RACGAP1: variants seen among roughly 807,000 people sequenced by gnomAD.
The protein encoded by RACGAP1 is rac GTPase-activating protein 1.
In RACGAP1, 30 loss-of-function variants were observed where a neutral mutation model predicts 78.1. That is an observed-to-expected ratio of 0.38 (90% CI 0.29 to 0.52). RACGAP1 has a LOEUF of 0.52. RACGAP1 is among the 20% of genes least tolerant of loss of function. RACGAP1 has a pLI of 0.82. For missense variants in RACGAP1, 587 were observed against 777.1 expected (o/e 0.76, Z 2.91); for synonymous variants, 231 against 264.8 (o/e 0.87, Z 1.24).
At chr12:50,022,552 A>G (rs1950065483) in intron 1 of RACGAP1, among the ~76,000 whole-genome samples, 1 of 152,182 alleles carries the variant, frequency 6.6e-6, no homozygotes, top group Non-Finnish European at 1.5e-5. Context: ...ATTGCACTCC[A>G]GCCCGGGCAA....
At chr12:50,015,842 T>A (rs1949642099) in intron 2 of RACGAP1, among the ~76,000 whole-genome samples, 1 of 151,600 alleles carries the variant, frequency 6.6e-6, no homozygotes, top group East Asian at 1.9e-4. Flanking sequence ...AAAAAAATTT[T>A]TTTTAAAGTA....
intron 2 of RACGAP1, among the ~76,000 whole-genome samples, chr12:50,009,096 G>C (rs1949149594): frequency 6.6e-6 from 1 of 152,012 alleles, no homozygotes; most frequent in East Asian, 2.0e-4. Context: ...GGCCAACATG[G>C]TGAAACCCTG....
At chr12:50,010,662 G>A (rs555081351) in intron 2 of RACGAP1, among the ~76,000 whole-genome samples, 41 of 151,716 alleles carry the variant, frequency 2.7e-4, no homozygotes, top group Non-Finnish European at 4.6e-4. Context: ...GCCAGACACC[G>A]TGGCTCACGC....
At chr12:50,002,361 C>A in intron 5 of RACGAP1, 61 bp from the exon 6 acceptor site, 1 of 1,428,900 alleles carries the variant, frequency 7.0e-7, no homozygotes, top group Non-Finnish European at 9.7e-7. Flanking sequence ...AAACCCTGTG[C>A]AAATAAATTT....
intron 1 of RACGAP1, chr12:50,019,863 T>C (rs1949908124): frequency 6.6e-6 from 1 of 152,114 alleles, no homozygotes; most frequent in African/African-American, 2.4e-5. Context: ...ATTACAAAAA[T>C]TTTAAAATGT....
At chr12:49,992,418 T>C (rs763074838) in intron 13 of RACGAP1, 41 bp from the exon 14 acceptor site, 1 of 1,602,140 alleles carries the variant, frequency 6.2e-7, no homozygotes, top group South Asian at 1.1e-5. Context: ...TGCTCCTTGC[T>C]TAAATGCAGA....
chr12:49,997,015 C>G, intron 10 of RACGAP1, 25 bp downstream of exon 10: 1 of 1,441,910 alleles, frequency 6.9e-7, no homozygotes, highest in East Asian at 2.5e-5. Flanking sequence ...GGCCATAAAA[C>G]AATGACGGCT....
upstream of RACGAP1, among the ~76,000 whole-genome samples, chr12:50,029,000 G>A (rs916378669): frequency 2.0e-5 from 3 of 151,990 alleles, no homozygotes; most frequent in Admixed American, 6.6e-5. Context: ...GGCAGATCAC[G>A]AGGTCAAGAG....
At chr12:50,010,388 A>T (rs1949245524) in intron 2 of RACGAP1, among the ~76,000 whole-genome samples, 1 of 149,862 alleles carries the variant, frequency 6.7e-6, no homozygotes, top group Non-Finnish European at 1.5e-5. Context: ...CAATGACATG[A>T]TCTTGGCTGA....
chr12:50,017,057 T>C, intron 1 of RACGAP1: 1 of 1,041,620 alleles, frequency 9.6e-7, no homozygotes, highest in Non-Finnish European at 1.2e-6. Flanking sequence ...GTCAAGCCTA[T>C]TGATTAATAT....
intron 4 of RACGAP1, among the ~76,000 whole-genome samples, chr12:50,004,537 C>G (rs1306874574): frequency 6.6e-6 from 1 of 152,148 alleles, no homozygotes; most frequent in Non-Finnish European, 1.5e-5. Flanking sequence ...TCAGCAAAGA[C>G]CTTATAAGGG....
chr12:50,021,412 C>T (rs940638204), intron 1 of RACGAP1, among the ~76,000 whole-genome samples: 2 of 152,162 alleles, frequency 1.3e-5, no homozygotes, highest in African/African-American at 4.8e-5. Context: ...GTTACAGATT[C>T]CCAATCTGTG....
At position 50,011,722 on chromosome 12, in the gene RACGAP1, G is replaced by A. The variant is rs369399361; in HGVS notation, c.85+4909C>T. On this transcript the variant is annotated intron_variant, in intron 2 of 16. Transcript: ENST00000312377. Reference sequence around the variant, plus strand: ...TATAAATCCAGCACTTTGGGAGGACGAGGCAGGAGGATCATGAGGTCAGGA... The same window carrying A: ...TATAAATCCAGCACTTTGGGAGGACAAGGCAGGAGGATCATGAGGTCAGGA... 1.6e-3 allele frequency among the ~76,000 whole-genome samples: 241 copies of A among 152,088 alleles called. 1 individual carries two copies. The highest frequency in any genetic ancestry group is 5.7e-3 in the African/African-American group (235 of 41,500).
chr12:50,004,088 A>C, intron 5 of RACGAP1, 147 bp downstream of exon 5: 1 of 1,287,522 alleles, frequency 7.8e-7, no homozygotes, highest in Non-Finnish European at 1.0e-6. Context: ...ATGTGGATTT[A>C]TATTTTAAAT....
In RACGAP1 at chr12:49,992,603, T is replaced by A. The variant is rs1947971028; in HGVS notation, c.1392A>T (p.Glu464Asp). The A allele has an allele frequency of 1.2e-6, 2 of 1,614,160 alleles. No homozygotes were observed. Among genetic ancestry groups the A allele is most frequent in the African/African-American group, 2.7e-5 (2 of 75,048 alleles). ...SIAAMYQAVGELPQANRDTLA... is the reference protein window; with the variant it reads ...SIAAMYQAVGDLPQANRDTLA... ...ATGTGTCCCTGTTGGCCTGGGGCAGTTCACCAACAGCTTGGTACATGGCAG... is the reference window on the plus strand; with the variant it reads ...ATGTGTCCCTGTTGGCCTGGGGCAGATCACCAACAGCTTGGTACATGGCAG... Residue 464 changes from glutamate to aspartate, a missense_variant, in exon 13 of 17, where the codon GAA (glutamate) becomes GAT (aspartate). Glu to Asp is a conservative substitution (Grantham distance 45). Transcript: ENST00000312377.
intron 2 of RACGAP1, among the ~76,000 whole-genome samples, chr12:50,015,380 A>C (rs1017195343): frequency 6.6e-6 from 1 of 152,148 alleles, no homozygotes; most frequent in African/African-American, 2.4e-5. Context: ...CTTCAAAAAG[A>C]AATTATGGAC....
intron 5 of RACGAP1, among the ~76,000 whole-genome samples, chr12:50,003,023 C>CAA (rs11326258): frequency 2.7e-4 from 17 of 64,012 alleles, no homozygotes; most frequent in Middle Eastern, 9.3e-3. Context: ...GACTCTGTCT[C>CAA]AAAAAAAAAA....
chr12:50,026,017 G>A (rs1372007971), upstream of RACGAP1, among the ~76,000 whole-genome samples: 2 of 152,178 alleles, frequency 1.3e-5, no homozygotes, highest in Non-Finnish European at 2.9e-5. Context: ...CAGTAGCTAC[G>A]AATGGAGGCG....
chr12:50,004,145 AG>A, intron 5 of RACGAP1, 89 bp downstream of exon 5: 1 of 1,479,490 alleles, frequency 6.8e-7, no homozygotes, highest in East Asian at 2.4e-5. Flanking sequence ...ATAGTAATAT[AG>A]GATGTTCAGA....
Sources: gnomAD v4.1 joint callset for allele counts (sites outside exome capture counted in the v4.1 genomes callset) on GRCh38, gnomAD v4.1.1 for gene constraint, MANE v1.5 for transcripts, NCBI Gene and HGNC (gene_info 2026-07-23, HGNC 2026-07-21) for gene names.